KPNB1: variants seen among roughly 807,000 people sequenced by gnomAD.
KPNB1 encodes the protein karyopherin subunit beta 1.
In KPNB1, 7 loss-of-function variants were observed where a neutral mutation model predicts 113.0. The observed-to-expected ratio is 0.06, with a 90% CI of 0.04 to 0.12. KPNB1 has a LOEUF of 0.12. Among genes scored for constraint, KPNB1 ranks in the 10% least tolerant of loss-of-function variants. The probability of loss-of-function intolerance (pLI) is 1.00; values close to 1 mark genes in which losing one functional copy is unlikely to be tolerated. For synonymous variants in KPNB1, 363 were observed against 378.6 expected (o/e 0.96, Z 0.48); for missense variants, 400 against 1,054.8 (o/e 0.38, Z 8.60).
intron 3 of KPNB1, among the ~76,000 whole-genome samples, chr17:47,653,845 A>G (rs1342877188): frequency 6.6e-6 from 1 of 152,160 alleles, no homozygotes; most frequent in Admixed American, 6.5e-5. Context: ...GGGTTATTAA[A>G]TCCAACTTGG....
rs1567894266 is a variant in KPNB1, at chr17:47,675,362, T to TTTTTG, written c.1912+584_1912+585insGTTTT. 1.2e-3 allele frequency among the ~76,000 whole-genome samples: 126 copies of TTTTTG among 105,166 alleles called. 3 individuals are homozygous for TTTTTG. The highest frequency in any genetic ancestry group is 4.2e-3 in the African/African-American group (100 of 23,594). 69.0% of individuals were successfully genotyped at this position (105,166 alleles called of 152,430 possible). ...GCAACGGAGATTGGCAGAGGTGTTG[T>TTTTTG]TTTTTTTTTGTTTTTTTTTTTTGTT... On this transcript the variant is annotated intron_variant, in intron 15 of 21. Transcript: ENST00000290158.
chr17:47,680,017 T>C lies in KPNB1; in HGVS notation c.2354-3T>C, dbSNP rs2030727116. ...CGACCAATACCTTCTCTCTCTTTTA[T>C]AGCGGATGTGATGCTGGTACAACCC... On this transcript the variant is annotated splice_region_variant and splice_polypyrimidine_tract_variant and intron_variant, in intron 19 of 21. Transcript: ENST00000290158. 1 of 1,601,646 alleles carries C rather than the reference T, an allele frequency of 6.2e-7. No individual in the cohort carries two copies. Among genetic ancestry groups the C allele is most frequent in the Non-Finnish European group, 8.6e-7 (1 of 1,168,658 alleles).
intron 3 of KPNB1, among the ~76,000 whole-genome samples, chr17:47,654,111 T>TA (rs1308945518): frequency 5.9e-5 from 9 of 151,344 alleles, no homozygotes; most frequent in South Asian, 4.2e-4. Context: ...ACCAACCCTT[T>TA]AAAAAAAAAT....
intron 8 of KPNB1, 46 bp downstream of exon 8, chr17:47,664,315 C>T (rs1434758258): frequency 8.2e-7 from 1 of 1,219,170 alleles, no homozygotes; most frequent in Non-Finnish European, 1.2e-6. Context: ...TGGGACATAT[C>T]TCATTTGTGG....
Position 47,682,632 on chromosome 17 carries a change from A to G in KPNB1, c.*228A>G, listed in dbSNP as rs140734776. ...GTAAGCACTGACTTCGTAGAAAACCATAACATCGGCCATCTTGGAAAAGAG... is the reference window on the plus strand; with the variant it reads ...GTAAGCACTGACTTCGTAGAAAACCGTAACATCGGCCATCTTGGAAAAGAG... On this transcript the variant is annotated 3_prime_UTR_variant, in exon 22 of 22. Transcript: ENST00000290158. 7.1e-4 allele frequency: 387 copies of G among 548,566 alleles called. 1 individual carries two copies. Among genetic ancestry groups the G allele is most frequent in the African/African-American group, 6.8e-3 (352 of 52,018 alleles). The allele number at this position is 548,566 out of a possible 1,614,324, so 34.0% of individuals were successfully genotyped here.
chr17:47,662,970 T>A (rs2030152789), intron 6 of KPNB1, 119 bp from the exon 7 acceptor site: 2 of 719,978 alleles, frequency 2.8e-6, no homozygotes, highest in African/African-American at 1.8e-5. Context: ...AGGGAAATGA[T>A]AACGTATCCC....
rs777685199 is a variant in KPNB1, at chr17:47,677,136, C to G, written c.2103+9C>G. The G allele has an allele frequency of 1.9e-6, 3 of 1,555,192 alleles. No homozygotes were observed. The highest frequency in any genetic ancestry group is 2.7e-6 in the Non-Finnish European group (3 of 1,126,964). ...TTCTGGAAAATTTGGGGGTGAGTAT[C>G]TACACACAATCTAATTAACCAGTCT... On this transcript the variant is annotated intron_variant, in intron 17 of 21. Transcript: ENST00000290158.
chr17:47,650,268 G>A lies in KPNB1; in HGVS notation c.24G>A (p.Glu8=), dbSNP rs977307561. The A allele has an allele frequency of 1.2e-6, 2 of 1,603,040 alleles. No homozygotes were observed. The highest frequency in any genetic ancestry group is 1.7e-5 in the Admixed American group (1 of 58,678). ...CCATGGAGCTGATCACCATTCTCGA[G>A]AAGACCGTGTCTCCCGGTAGGACGC... MELITIL[E]KTVSPDRLEL... Residue 8 remains glutamate, a synonymous_variant, in exon 1 of 22, where the codon GAG becomes GAA. Coordinates refer to ENST00000290158, the MANE Select transcript of KPNB1 (RefSeq NM_002265.6).
intron 2 of KPNB1, 114 bp downstream of exon 2, chr17:47,650,558 C>CAT: frequency 1.3e-6 from 1 of 754,276 alleles, no homozygotes; most frequent in Non-Finnish European, 2.2e-6. Context: ...CATCCCGTCC[C>CAT]CCTCCCCCCT....
Position 47,673,492 on chromosome 17 carries a change from A to T in KPNB1, c.1698A>T (p.Ser566=). ...ATGTTTTCTTATTTTCTTTGTAGTC[A>T]CATATCCAGAGCACATCCGATAGAA... is the stretch of plus-strand genomic sequence containing the variant. ...ERLQQVLQME[S]HIQSTSDRIQ... The change falls in exon 14 of 22, where the codon TCA becomes TCT. Residue 566 remains serine (S), a splice_region_variant and synonymous_variant. Transcript: ENST00000290158. 7 of 1,612,012 alleles carry T rather than the reference A, an allele frequency of 4.3e-6. No homozygotes were observed. The highest frequency in any genetic ancestry group is 5.9e-6 in the Non-Finnish European group (7 of 1,178,136).
In KPNB1 at chr17:47,661,189, G is replaced by A. The variant is rs1029826416; in HGVS notation, c.696+11G>A. On this transcript the variant is annotated intron_variant, in intron 6 of 21. Coordinates refer to ENST00000290158, the MANE Select transcript of KPNB1 (RefSeq NM_002265.6). ...TGTCCAGATACGAGGGTAAGTGTGA[G>A]GTTATATGAAAAATCTGTCTTACAT... 2 of 1,603,516 alleles carry A rather than the reference G, an allele frequency of 1.2e-6. No homozygotes were observed. The highest frequency in any genetic ancestry group is 2.7e-5 in the African/African-American group (2 of 74,714).
intron 11 of KPNB1, 38 bp downstream of exon 11, chr17:47,669,907 C>CAG: frequency 6.9e-7 from 1 of 1,452,720 alleles, no homozygotes; most frequent in Non-Finnish European, 9.6e-7. Context: ...AGGAGCTTGC[C>CAG]TGCGCCACTG....
intron 4 of KPNB1, 114 bp downstream of exon 4, chr17:47,657,174 C>A: frequency 1.1e-6 from 1 of 878,500 alleles, no homozygotes; most frequent in South Asian, 1.6e-5. Context: ...CTAAATTGCA[C>A]AGTTTTGAAA....
intron 21 of KPNB1, 69 bp downstream of exon 21, chr17:47,680,738 C>T: frequency 6.7e-7 from 1 of 1,487,002 alleles, no homozygotes; most frequent in Admixed American, 2.1e-5. Context: ...TTCTTTAGGC[C>T]ATTCTGGCAA....
At chr17:47,654,415 TAAAAAAAAAA>T (rs374274253) in intron 3 of KPNB1, among the ~76,000 whole-genome samples, 7 of 119,896 alleles carry the variant, frequency 5.8e-5, no homozygotes, top group African/African-American at 1.6e-4. Flanking sequence ...CTCCATTTCT[TAAAAAAAAAA>T]AAAAAAAAAA....
chr17:47,677,329 G>T (rs188943897), intron 17 of KPNB1, among the ~76,000 whole-genome samples: 1 of 151,852 alleles, frequency 6.6e-6, no homozygotes, highest in Non-Finnish European at 1.5e-5. Context: ...AAAATTAGCC[G>T]GGCGTGATGG....
At chr17:47,655,614 C>T (rs1321346693) in intron 3 of KPNB1, among the ~76,000 whole-genome samples, 1 of 152,160 alleles carries the variant, frequency 6.6e-6, no homozygotes, top group African/African-American at 2.4e-5. Context: ...AGTAAGATCT[C>T]CTTGGATCAG....
chr17:47,673,766 C>T, intron 14 of KPNB1: 1 of 571,438 alleles, frequency 1.7e-6, no homozygotes, highest in Non-Finnish European at 3.1e-6. Context: ...AGATTCAAAT[C>T]CTACTTATTT....
At chr17:47,669,530 A>C (rs1237716005) in intron 10 of KPNB1, 148 bp from the exon 11 acceptor site, 1 of 558,154 alleles carries the variant, frequency 1.8e-6, no homozygotes, top group African/African-American at 1.9e-5. Flanking sequence ...ATTTTGAAAG[A>C]TGTTTCACAC....
Sources: allele counts gnomAD v4.1 joint callset (sites outside exome capture counted in the v4.1 genomes callset), GRCh38; gene constraint gnomAD v4.1.1; transcripts MANE v1.5; gene names NCBI Gene and HGNC (gene_info 2026-07-23, HGNC 2026-07-21).